IGFL2: variants seen among roughly 807,000 people sequenced by gnomAD.
IGFL2 encodes insulin growth factor-like family member 2.
IGFL2 carries 7 observed loss-of-function variants against 13.9 expected under a neutral mutation model. That is an observed-to-expected ratio of 0.51 (90% CI 0.29 to 0.95). The LOEUF is 0.95. Among genes scored for constraint, IGFL2 ranks in the 40% least tolerant of loss-of-function variants. The probability of loss-of-function intolerance (pLI) is 0.08; values close to 1 mark genes in which losing one functional copy is unlikely to be tolerated. For synonymous variants in IGFL2, 55 were observed against 55.8 expected, an observed-to-expected ratio of 0.99 and a Z score of 0.07; for missense variants, 138 against 147.8, an observed-to-expected ratio of 0.93 and a Z score of 0.34.
chr19:46,127,597 TA>T, the IGFL2 span, among the ~76,000 whole-genome samples: 1 of 152,024 alleles, frequency 6.6e-6, no homozygotes, highest in African/African-American at 2.4e-5. Flanking sequence ...AACGGATGTA[TA>T]GGTAGATAGG....
At chr19:46,158,295 G>T (rs1022543197) in intron 1 of IGFL2, among the ~76,000 whole-genome samples, 3 of 151,996 alleles carry the variant, frequency 2.0e-5, no homozygotes, top group African/African-American at 7.2e-5. Context: ...GCAAACCTCC[G>T]CCTCCCGGGT....
the IGFL2 span, among the ~76,000 whole-genome samples, chr19:46,081,598 C>T: frequency 6.6e-6 from 1 of 152,286 alleles, no homozygotes; most frequent in Non-Finnish European, 1.5e-5. Flanking sequence ...TCTTATCAGA[C>T]AGATAGTCTT....
At chr19:46,121,898 T>G in the IGFL2 span, among the ~76,000 whole-genome samples, 1 of 150,938 alleles carries the variant, frequency 6.6e-6, no homozygotes, top group Non-Finnish European at 1.5e-5. Flanking sequence ...GTGAGCTGAT[T>G]TGCATATTTC....
the IGFL2 span, among the ~76,000 whole-genome samples, chr19:46,192,937 C>T: frequency 6.6e-6 from 1 of 151,976 alleles, no homozygotes; most frequent in Non-Finnish European, 1.5e-5. Context: ...TGCCTGTAAT[C>T]CCAGTACTTT....
the IGFL2 span, among the ~76,000 whole-genome samples, chr19:46,115,718 A>T: frequency 6.6e-6 from 1 of 152,162 alleles, no homozygotes; most frequent in Admixed American, 6.5e-5. Context: ...AATGTATGGG[A>T]GGAGGCCAGC....
upstream of IGFL2, among the ~76,000 whole-genome samples, chr19:46,146,885 CCTCCCA>C: frequency 6.6e-6 from 1 of 152,222 alleles, no homozygotes; most frequent in Non-Finnish European, 1.5e-5. Flanking sequence ...TCTGTCTCAC[CCTCCCA>C]CCTATCTCAC....
chr19:46,133,472 AGAG>A, the IGFL2 span, among the ~76,000 whole-genome samples: 3 of 152,204 alleles, frequency 2.0e-5, no homozygotes, highest in Admixed American at 2.0e-4. Context: ...AGGCAAAGGC[AGAG>A]GAGAACAAAG....
the IGFL2 span, among the ~76,000 whole-genome samples, chr19:46,104,527 C>G: frequency 6.6e-6 from 1 of 152,182 alleles, no homozygotes; most frequent in South Asian, 2.1e-4. Flanking sequence ...GAAGAAATGA[C>G]TGCGGTAGCC....
intron 1 of IGFL2, among the ~76,000 whole-genome samples, chr19:46,158,581 A>G (rs969940876): frequency 5.7e-4 from 87 of 152,236 alleles, no homozygotes; most frequent in African/African-American, 2.0e-3. Context: ...ACAAGATTCT[A>G]TATTTATATG....
intron 1 of IGFL2, among the ~76,000 whole-genome samples, chr19:46,152,104 A>G (rs1438336551): frequency 2.0e-5 from 3 of 152,066 alleles, no homozygotes; most frequent in African/African-American, 7.2e-5. Context: ...CAATTTATTC[A>G]TAAGTATTTT....
the IGFL2 span, among the ~76,000 whole-genome samples, chr19:46,121,718 TAAAG>T: frequency 6.0e-5 from 9 of 150,344 alleles, no homozygotes; most frequent in Admixed American, 2.0e-4. Flanking sequence ...AAAATGTAGG[TAAAG>T]AAAGGCAGAT....
the IGFL2 span, chr19:46,137,559 C>A: frequency 2.0e-6 from 2 of 1,022,602 alleles, no homozygotes; most frequent in South Asian, 2.5e-5. Context: ...GAATCGTCAT[C>A]CTCCGTCTCA....
At chr19:46,102,341 T>G in the IGFL2 span, among the ~76,000 whole-genome samples, 1 of 152,202 alleles carries the variant, frequency 6.6e-6, no homozygotes, top group Non-Finnish European at 1.5e-5. Flanking sequence ...CTTATACGTT[T>G]GGGATAGGCG....
At chr19:46,132,285 G>A in the IGFL2 span, among the ~76,000 whole-genome samples, 5 of 152,162 alleles carry the variant, frequency 3.3e-5, no homozygotes, top group Admixed American at 2.0e-4. Flanking sequence ...CGTTACAAAA[G>A]AAAATGATCC....
the IGFL2 span, among the ~76,000 whole-genome samples, chr19:46,194,850 ATATTTTTTTTTTTTTT>A: frequency 2.8e-4 from 10 of 35,622 alleles, no homozygotes; most frequent in East Asian, 6.3e-3. Flanking sequence ...ATATATATAT[ATATTTTTTTTTTTTTT>A]TTTTTTTTTT....
chr19:46,132,734 A>G, the IGFL2 span, among the ~76,000 whole-genome samples: 3 of 150,662 alleles, frequency 2.0e-5, no homozygotes, highest in African/African-American at 7.3e-5. Context: ...GGAGAGGGAG[A>G]GGAAAGAAGA....
At chr19:46,197,039 G>C in the IGFL2 span, 2 of 219,568 alleles carry the variant, frequency 9.1e-6, no homozygotes, top group South Asian at 1.7e-4. Flanking sequence ...CCCCATGGGT[G>C]CTTATCTGAT....
At chr19:46,149,441 T>C (rs1237007597) in intron 1 of IGFL2, among the ~76,000 whole-genome samples, 2 of 149,928 alleles carry the variant, frequency 1.3e-5, no homozygotes, top group Non-Finnish European at 3.0e-5. Context: ...GAAGGAAGAG[T>C]AGCTCAGTCA....
At chr19:46,125,048 TTCCC>T in the IGFL2 span, among the ~76,000 whole-genome samples, 2 of 141,140 alleles carry the variant, frequency 1.4e-5, no homozygotes, top group East Asian at 2.2e-4. Flanking sequence ...CTTCAGCCAC[TTCCC>T]CATCTGGTTT....
Sources: allele counts gnomAD v4.1 joint callset (sites outside exome capture counted in the v4.1 genomes callset), GRCh38; gene constraint gnomAD v4.1.1; transcripts MANE v1.5; gene names NCBI Gene and HGNC (gene_info 2026-07-23, HGNC 2026-07-21).